N4BP2: variants seen among roughly 807,000 people sequenced by gnomAD.
The protein encoded by N4BP2 is NEDD4-binding protein 2.
N4BP2 carries 91 observed loss-of-function variants against 152.8 expected under a neutral mutation model. That is an observed-to-expected ratio of 0.60 (90% CI 0.50 to 0.71). The LOEUF (loss-of-function observed/expected upper bound fraction) is 0.71. Among genes scored for constraint, N4BP2 ranks in the 30% least tolerant of loss-of-function variants. The pLI, the probability that N4BP2 is intolerant of heterozygous loss-of-function variation, is 0.00. For missense variants in N4BP2, 1,923 were observed against 2,059.1 expected (o/e 0.93, Z 1.28); for synonymous variants, 646 against 705.3 (o/e 0.92, Z 1.33).
rs75338782 is a variant in N4BP2, at chr4:40,076,055, C to T, written c.-115+2504C>T. Among the ~76,000 whole-genome samples, 899 of 151,986 alleles carry T rather than the reference C, an allele frequency of 5.9e-3. 9 individuals carry two copies. Among genetic ancestry groups the T allele is most frequent in the African/African-American group, 0.021 (855 of 41,492 alleles). On this transcript the variant is annotated intron_variant, in intron 2 of 17. Transcript: ENST00000261435. The stretch of plus-strand genomic sequence containing the variant: ...TGCCCGGGCTTGTATTGAACTCCTG[C>T]GCTTAAGCAATCCTCCTCCTTTGGC...
rs752237593 is a variant in N4BP2, at chr4:40,122,031, A to C, written c.3920A>C (p.Asp1307Ala). 1.3e-6 allele frequency: 2 copies of C among 1,539,120 alleles called. No homozygotes were observed. Among genetic ancestry groups the C allele is most frequent in the African/African-American group, 2.8e-5 (2 of 71,956 alleles). The change falls in exon 9 of 18, where the codon GAT becomes GCT. Residue 1307 changes from aspartate (D) to alanine (A), a missense_variant. Physicochemically the swap from Asp to Ala is moderately radical, Grantham distance 126. Coordinates refer to ENST00000261435, the MANE Select transcript of N4BP2 (RefSeq NM_018177.6). Reference sequence around the variant, plus strand: ...TTAAATGAAGAAATTTATTTTACTGATTCTCTTGAAATAAAGAGAAATGAA... The same window carrying C: ...TTAAATGAAGAAATTTATTTTACTGCTTCTCTTGAAATAAAGAGAAATGAA... ...LELNEEIYFTDSLEIKRNENF... is the reference protein window; with the variant it reads ...LELNEEIYFTASLEIKRNENF...
At chr4:40,148,437 C>T (rs1480312661) in intron 16 of N4BP2, among the ~76,000 whole-genome samples, 4 of 118,866 alleles carry the variant, frequency 3.4e-5, no homozygotes, top group African/African-American at 6.3e-5. Flanking sequence ...AGAGGGAGAC[C>T]GTGGAAAGAG....
At chr4:40,119,738 G>T (rs1355716623) in intron 8 of N4BP2, among the ~76,000 whole-genome samples, 194 bp from the exon 9 acceptor site, 3 of 151,990 alleles carry the variant, frequency 2.0e-5, no homozygotes, top group East Asian at 1.9e-4. Flanking sequence ...TAGGTAATGG[G>T]GTTACAACAA....
At chr4:40,062,978 T>C (rs976087803) in intron 1 of N4BP2, among the ~76,000 whole-genome samples, 1 of 152,164 alleles carries the variant, frequency 6.6e-6, no homozygotes, top group African/African-American at 2.4e-5. Flanking sequence ...TAAAAAATGA[T>C]GTGATTTGCA....
At chr4:40,172,959 C>T in the N4BP2 span, among the ~76,000 whole-genome samples, 9 of 152,070 alleles carry the variant, frequency 5.9e-5, no homozygotes, top group African/African-American at 2.4e-5. Flanking sequence ...AAAGCACCAC[C>T]CAGTATTCCC....
At chr4:40,168,902 T>C in the N4BP2 span, among the ~76,000 whole-genome samples, 3 of 151,904 alleles carry the variant, frequency 2.0e-5, no homozygotes, top group Non-Finnish European at 2.9e-5. Flanking sequence ...TTTTTTGTAT[T>C]TTTAGTAGAG....
At chr4:40,060,219 T>C (rs1733549565) in intron 1 of N4BP2, among the ~76,000 whole-genome samples, 1 of 152,128 alleles carries the variant, frequency 6.6e-6, no homozygotes, top group African/African-American at 2.4e-5. Context: ...TAGATTGTGG[T>C]TAATCAATTC....
intron 14 of N4BP2, among the ~76,000 whole-genome samples, chr4:40,138,992 T>C (rs1719657406): frequency 6.6e-6 from 1 of 152,258 alleles, no homozygotes. Flanking sequence ...ATGGGGTTCG[T>C]GTTGAATATG....
chr4:40,175,900 C>A, the N4BP2 span, among the ~76,000 whole-genome samples: 1 of 148,628 alleles, frequency 6.7e-6, no homozygotes, highest in Non-Finnish European at 1.5e-5. Context: ...ACCATCTTGG[C>A]TAACACGGTG....
rs773346400 is a variant in N4BP2 at position 40,102,809 on chromosome 4, G to A, written c.964G>A (p.Glu322Lys). 11 of 1,613,974 alleles carry A rather than the reference G, an allele frequency of 6.8e-6. No homozygotes were observed. Among genetic ancestry groups the A allele is most frequent in the South Asian group, 5.5e-5 (5 of 91,074 alleles). Residue 322 changes from glutamate to lysine, a missense_variant, in exon 4 of 18, where the codon GAA becomes AAA. Physicochemically the swap from Glu to Lys is moderately conservative, Grantham distance 56 (BLOSUM62 1). Transcript: ENST00000261435. ...TRVSDVFLPS[E>K]GFNFKPHKHP... ...GGTCTCTGATGTGTTTCTACCTTCC[G>A]AAGGGTTCAACTTCAAGCCACACAA... is the stretch of plus-strand genomic sequence containing the variant.
chr4:40,171,411 C>G, the N4BP2 span, among the ~76,000 whole-genome samples: 1 of 152,090 alleles, frequency 6.6e-6, no homozygotes, highest in Non-Finnish European at 1.5e-5. Context: ...GTGGTGATTC[C>G]CGTGCAACAT....
chr4:40,067,041 A>G lies in N4BP2; in HGVS notation c.-211-6414A>G, dbSNP rs968580101. Reference sequence around the variant, plus strand: ...TCAAGATTCTTCCATGTTGCAGCATATGACCTAATTTCCTTTTTTTTTTTT... The same window carrying G: ...TCAAGATTCTTCCATGTTGCAGCATGTGACCTAATTTCCTTTTTTTTTTTT... On this transcript the variant is annotated intron_variant, in intron 1 of 17. Transcript: ENST00000261435. Among the ~76,000 whole-genome samples the G allele has an allele frequency of 3.4e-5, 5 of 144,990 alleles. No homozygotes were observed. The Admixed American group carries it at 3.6e-4, about 10-fold the overall frequency.
downstream of N4BP2, among the ~76,000 whole-genome samples, chr4:40,159,066 G>A (rs566905845): frequency 6.6e-6 from 1 of 152,328 alleles, no homozygotes; most frequent in South Asian, 2.1e-4. Context: ...CATAGGTAGT[G>A]CTATCCCAAT....
the N4BP2 span, among the ~76,000 whole-genome samples, chr4:40,176,320 CAT>C: frequency 1.3e-5 from 2 of 152,062 alleles, no homozygotes; most frequent in Non-Finnish European, 2.9e-5. Flanking sequence ...ATAATAATAA[CAT>C]AATTTATTTT....
chr4:40,059,745 A>G (rs1011864043), intron 1 of N4BP2, among the ~76,000 whole-genome samples: 3 of 152,174 alleles, frequency 2.0e-5, no homozygotes, highest in African/African-American at 7.2e-5. Flanking sequence ...CCTCGTCCTC[A>G]TAGTAATGAA....
At chr4:40,112,794 C>G (rs997699164) in intron 6 of N4BP2, among the ~76,000 whole-genome samples, 1 of 152,026 alleles carries the variant, frequency 6.6e-6, no homozygotes, top group Non-Finnish European at 1.5e-5. Context: ...ACCTCTGCCT[C>G]CTGGGTTCAA....
At chr4:40,172,718 G>C in the N4BP2 span, among the ~76,000 whole-genome samples, 2 of 152,174 alleles carry the variant, frequency 1.3e-5, no homozygotes, top group Non-Finnish European at 2.9e-5. Context: ...GTGGCACTTT[G>C]CTACTGTAGC....
rs538502426 is a variant in N4BP2, at chr4:40,145,941, C to T, written c.5143+1141C>T. ...ACTTCGGAGGCCGAGGTGGGCGGAT[C>T]ACCTGAGGTCTGGAGTTCGAGACCA... On this transcript the variant is annotated intron_variant, in intron 16 of 17. Transcript: ENST00000261435. Among the ~76,000 whole-genome samples the T allele has an allele frequency of 7.0e-4, 107 of 152,174 alleles. 2 individuals are homozygous for T. The highest frequency in any genetic ancestry group is 1.2e-3 in the Non-Finnish European group (85 of 68,006).
intron 16 of N4BP2, among the ~76,000 whole-genome samples, chr4:40,148,505 C>A (rs780606080): frequency 2.0e-5 from 3 of 151,758 alleles, no homozygotes; most frequent in African/African-American, 7.3e-5. Flanking sequence ...AGAGGGAGTT[C>A]GGCTTTTTTA....
Sources: allele counts gnomAD v4.1 joint callset (sites outside exome capture counted in the v4.1 genomes callset), GRCh38; gene constraint gnomAD v4.1.1; transcripts MANE v1.5; gene names NCBI Gene and HGNC (gene_info 2026-07-23, HGNC 2026-07-21).